Variants in TERB2 observed in about 807,000 individuals in gnomAD.
The protein encoded by TERB2 is telomere repeats-binding bouquet formation protein 2.
Under a neutral mutation model 29.8 loss-of-function variants are expected in TERB2, and 26 were observed. That is an observed-to-expected ratio of 0.87 (90% CI 0.64 to 1.21). The LOEUF (loss-of-function observed/expected upper bound fraction) is 1.21, where lower values mean the gene tolerates loss of function less well. Among genes scored for constraint, TERB2 ranks in the 50% most tolerant of loss-of-function variants. The pLI is 0.00. For missense variants in TERB2, 240 were observed against 268.6 expected (o/e 0.89, Z 0.74); for synonymous variants, 80 against 90.8 (o/e 0.88, Z 0.68).
chr15:44,966,000 T>G (rs1209471053), intron 4 of TERB2, among the ~76,000 whole-genome samples, 158 bp from the exon 5 acceptor site: 2 of 152,094 alleles, frequency 1.3e-5, no homozygotes, highest in Non-Finnish European at 2.9e-5. Flanking sequence ...TTTTGTAAAT[T>G]TTCTTCACTC....
chr15:44,977,633 A>C (rs1377680807), intron 6 of TERB2, among the ~76,000 whole-genome samples: 4 of 152,182 alleles, frequency 2.6e-5, no homozygotes, highest in Non-Finnish European at 5.9e-5. Context: ...ATGTGCTTCG[A>C]TTGATAGTTA....
In TERB2 at chr15:44,958,439, G is replaced by A. The variant is rs753582318; in HGVS notation, c.213G>A (p.Ala71=). ...ATVFHAYYLS[A]VANAKIKNSV... is the part of the protein sequence containing the mutation. ...TTTTTCATGCCTACTATCTCTCTGC[G>A]GTAGCTAATGCCAAAATAAAAAACT... Residue 71 remains alanine, a synonymous_variant, in exon 3 of 7, where the codon GCG becomes GCA. Transcript: ENST00000340827. 6.8e-6 allele frequency: 11 copies of A among 1,613,782 alleles called. No individual in the cohort carries two copies. The highest frequency in any genetic ancestry group is 2.7e-5 in the African/African-American group (2 of 74,828).
intron 4 of TERB2, among the ~76,000 whole-genome samples, chr15:44,964,056 G>A (rs1595476169): frequency 6.6e-6 from 1 of 152,068 alleles, no homozygotes; most frequent in Admixed American, 6.5e-5. Flanking sequence ...TGATCCGCCT[G>A]CCTTGGCCTC....
chr15:44,971,493 C>T (rs1256775811), intron 5 of TERB2, among the ~76,000 whole-genome samples: 2 of 152,150 alleles, frequency 1.3e-5, no homozygotes, highest in Non-Finnish European at 2.9e-5. Context: ...CGGTGGCTCA[C>T]GCCTGTAATC....
At chr15:44,960,829 G>C (rs1246390005) in intron 3 of TERB2, among the ~76,000 whole-genome samples, 5 of 151,968 alleles carry the variant, frequency 3.3e-5, no homozygotes, top group Non-Finnish European at 7.4e-5. Context: ...AGATCATTGA[G>C]TTTGGATGAT....
At chr15:44,958,564 T>G in intron 3 of TERB2, 52 bp downstream of exon 3, 2 of 1,506,676 alleles carry the variant, frequency 1.3e-6, no homozygotes, top group Non-Finnish European at 1.8e-6. Context: ...ATCCAGCTAA[T>G]CTCTGTTAAA....
intron 5 of TERB2, 72 bp from the exon 6 acceptor site, chr15:44,973,795 T>C (rs1892004282): frequency 1.0e-6 from 1 of 989,796 alleles, no homozygotes; most frequent in African/African-American, 1.7e-5. Context: ...AAATATACTT[T>C]AATATAAATG....
In TERB2 at chr15:44,973,972, T is replaced by C. The variant is rs780440497; in HGVS notation, c.523+17T>C. 6.6e-7 allele frequency: 1 copy of C among 1,517,382 alleles called. No individual in the cohort carries two copies. Among genetic ancestry groups the C allele is most frequent in the Non-Finnish European group, 8.9e-7 (1 of 1,126,550 alleles). 94.0% of individuals were successfully genotyped at this position (1,517,382 alleles called of 1,614,324 possible). ...TGGTAACAGGTAGTTTAAAATAAAA[T>C]TTAGAGTAAACTCAGGTAGGAAAGA... On this transcript the variant is annotated intron_variant, in intron 6 of 6. Transcript: ENST00000340827.
At chr15:44,970,125 T>C (rs1169015298) in intron 5 of TERB2, 1 of 155,084 alleles carries the variant, frequency 6.4e-6, no homozygotes, top group Non-Finnish European at 1.4e-5. Context: ...TTTCCCTAAA[T>C]GCTGTCTCAC....
In TERB2 at chr15:44,956,879, T is replaced by C. The variant is rs375647672; in HGVS notation, c.65-17T>C. On this transcript the variant is annotated splice_polypyrimidine_tract_variant and intron_variant, in intron 1 of 6. Transcript: ENST00000340827. ...CAGGGTGCTTGATAGGTTCACCCTGTGCTCTTACCTCCACAGTGGCTGAAG... is the reference window on the plus strand; with the variant it reads ...CAGGGTGCTTGATAGGTTCACCCTGCGCTCTTACCTCCACAGTGGCTGAAG... 1.5e-5 allele frequency: 25 copies of C among 1,613,716 alleles called. No individual in the cohort carries two copies. Among genetic ancestry groups the C allele is most frequent in the Non-Finnish European group, 2.1e-5 (25 of 1,179,724 alleles).
At chr15:44,966,856 AG>A (rs1418318016) in intron 5 of TERB2, among the ~76,000 whole-genome samples, 2 of 152,178 alleles carry the variant, frequency 1.3e-5, no homozygotes, top group African/African-American at 4.8e-5. Context: ...CTCAGCACTT[AG>A]GGAGGCTGAA....
At position 44,957,084 on chromosome 15, in the gene TERB2, G is replaced by A. The variant is rs984630629; in HGVS notation, c.146+107G>A. On this transcript the variant is annotated intron_variant, in intron 2 of 6. Coordinates refer to ENST00000340827, the MANE Select transcript of TERB2 (RefSeq NM_152448.3). ...ATTGATGAGGCTGGGCGCGGTGGCG[G>A]ACACCTATAATCCCAGCTACTGGGA... 3.4e-6 allele frequency: 4 copies of A among 1,192,884 alleles called. No homozygotes were observed. In the African/African-American group the frequency reaches 4.5e-5, roughly 14 times the overall value. 73.9% of individuals were successfully genotyped at this position (1,192,884 alleles called of 1,614,324 possible).
intron 5 of TERB2, among the ~76,000 whole-genome samples, chr15:44,968,344 C>G (rs1891918763): frequency 6.6e-6 from 1 of 151,904 alleles, no homozygotes; most frequent in Non-Finnish European, 1.5e-5. Context: ...GCCTCCCGAG[C>G]AGCTGGGACT....
chr15:44,972,335 T>C (rs973403701), intron 5 of TERB2, among the ~76,000 whole-genome samples: 2 of 152,090 alleles, frequency 1.3e-5, no homozygotes, highest in Non-Finnish European at 2.9e-5. Flanking sequence ...AGTGTACTTC[T>C]AGATTTTTAG....
intron 4 of TERB2, 102 bp downstream of exon 4, chr15:44,961,686 G>C: frequency 1.4e-6 from 1 of 739,428 alleles, no homozygotes; most frequent in South Asian, 1.9e-5. Context: ...TAGCACCAAT[G>C]AGTCAGATTA....
intron 4 of TERB2, among the ~76,000 whole-genome samples, chr15:44,964,646 C>A (rs1025810874): frequency 6.6e-6 from 1 of 152,034 alleles, no homozygotes; most frequent in Non-Finnish European, 1.5e-5. Context: ...ATTACTAAAA[C>A]GTGCTTGTAT....
At chr15:44,977,098 A>AACACAC (rs373706136) in intron 6 of TERB2, among the ~76,000 whole-genome samples, 3 of 148,790 alleles carry the variant, frequency 2.0e-5, no homozygotes, top group South Asian at 2.1e-4. Flanking sequence ...ACCCTGTCAA[A>AACACAC]ACACACACAC....
At chr15:44,975,321 T>G (rs1892029065) in intron 6 of TERB2, among the ~76,000 whole-genome samples, 2 of 152,064 alleles carry the variant, frequency 1.3e-5, no homozygotes, top group South Asian at 4.1e-4. Context: ...ACTTCTCTTT[T>G]TTTATCATGC....
intron 5 of TERB2, chr15:44,970,145 G>C (rs1891947382): frequency 6.4e-6 from 1 of 156,154 alleles, no homozygotes; most frequent in East Asian, 1.8e-4. Flanking sequence ...CTTGAGTCAG[G>C]AGGGATTGGG....
Sources: allele counts gnomAD v4.1 joint callset (sites outside exome capture counted in the v4.1 genomes callset), GRCh38; gene constraint gnomAD v4.1.1; transcripts MANE v1.5; gene names NCBI Gene and HGNC (gene_info 2026-07-23, HGNC 2026-07-21).